The following ZBTB16 variants were observed in gnomAD, a reference collection of about 807,000 sequenced individuals.
ZBTB16 encodes the protein zinc finger and BTB domain-containing protein 16.
ZBTB16 carries 8 observed loss-of-function variants against 56.8 expected under a neutral mutation model. The ratio of observed to expected loss-of-function variants is 0.14; its 90% CI spans 0.08 to 0.25. The LOEUF (loss-of-function observed/expected upper bound fraction) is 0.25. Among genes scored for constraint, ZBTB16 ranks in the 10% least tolerant of loss-of-function variants. ZBTB16 has a pLI of 1.00. For synonymous variants in ZBTB16, 363 were observed against 368.5 expected, an observed-to-expected ratio of 0.98 and a Z score of 0.17; for missense variants, 625 against 903.0, an observed-to-expected ratio of 0.69 and a Z score of 3.95.
chr11:114,158,107 C>G (rs1942473910), intron 3 of ZBTB16, among the ~76,000 whole-genome samples: 1 of 152,078 alleles, frequency 6.6e-6, no homozygotes, highest in South Asian at 2.1e-4. Flanking sequence ...GAACTATCTG[C>G]CTACCAGGTT....
intron 2 of ZBTB16, among the ~76,000 whole-genome samples, chr11:114,069,307 G>A (rs534581122): frequency 6.6e-6 from 1 of 151,744 alleles, no homozygotes; most frequent in Non-Finnish European, 1.5e-5. Context: ...GTATGGTCTC[G>A]ATCTCCTGAA....
intron 3 of ZBTB16, among the ~76,000 whole-genome samples, chr11:114,163,860 C>T (rs117707922): frequency 4.1e-4 from 63 of 152,280 alleles, no homozygotes; most frequent in Non-Finnish European, 4.1e-4. Flanking sequence ...TATGTCTATC[C>T]ATTTACATGG....
chr11:114,063,914 G>C lies in ZBTB16; in HGVS notation c.614G>C (p.Ser205Thr), dbSNP rs1319989654. The change falls in exon 2 of 7, where the codon AGT becomes ACT. Residue 205 changes from serine to threonine, a missense_variant. By Grantham distance (58) the Ser-to-Thr change is moderately conservative (BLOSUM62 1). Around this residue, in one of 6 missense-constraint regions of ZBTB16, gnomAD observed 384 missense variants for 393.5 expected, o/e 0.98. Transcript: ENST00000335953. The surrounding 1 kb of genome is among the most constrained non-coding windows in gnomAD (Gnocchi z 6.5). ...AMSPTKAAVD[S>T]LMTIGQSLLQ... ...AGTCCCACCAAGGCTGCAGTGGACA[G>C]TTTGATGACCATAGGACAGTCTCTC... 1.2e-6 allele frequency: 2 copies of C among 1,613,978 alleles called. No individual in the cohort carries two copies. The highest frequency in any genetic ancestry group is 2.2e-5 in the South Asian group (2 of 91,086).
chr11:114,070,696 C>CT (rs532029953), intron 2 of ZBTB16, among the ~76,000 whole-genome samples: 77 of 152,306 alleles, frequency 5.1e-4, no homozygotes, highest in Admixed American at 1.6e-3. Flanking sequence ...ATCACCATGC[C>CT]TAAGATACCA....
intron 2 of ZBTB16, among the ~76,000 whole-genome samples, chr11:114,133,604 C>T (rs1279009374): frequency 2.0e-5 from 3 of 152,204 alleles, no homozygotes; most frequent in Non-Finnish European, 4.4e-5. Flanking sequence ...CTCAGGTCCT[C>T]TTCCTGTGGT....
chr11:114,232,455 G>C (rs933426686), intron 4 of ZBTB16, among the ~76,000 whole-genome samples: 3 of 152,132 alleles, frequency 2.0e-5, no homozygotes, highest in Non-Finnish European at 4.4e-5. Context: ...GTTGAGCACG[G>C]GGCCCTCAAG....
intron 2 of ZBTB16, among the ~76,000 whole-genome samples, chr11:114,138,778 T>C (rs1591705524): frequency 6.6e-6 from 1 of 152,146 alleles, no homozygotes; most frequent in African/African-American, 2.4e-5. Context: ...GCAACCTCTG[T>C]CTCCCGAGTT....
intron 4 of ZBTB16, among the ~76,000 whole-genome samples, chr11:114,195,704 A>C (rs1199126335): frequency 6.6e-6 from 1 of 152,138 alleles, no homozygotes; most frequent in African/African-American, 2.4e-5. Context: ...AGATTGGATA[A>C]TCTCAATATA....
intron 2 of ZBTB16, among the ~76,000 whole-genome samples, chr11:114,067,072 C>T (rs1176606602): frequency 6.6e-6 from 1 of 152,096 alleles, no homozygotes; most frequent in Admixed American, 6.5e-5. Flanking sequence ...GCCCGGCCTT[C>T]ACTCACTTCT....
At chr11:114,222,885 G>C (rs949652850) in intron 4 of ZBTB16, among the ~76,000 whole-genome samples, 2 of 152,154 alleles carry the variant, frequency 1.3e-5, no homozygotes, top group East Asian at 1.9e-4. Context: ...GGGGCCCATT[G>C]CTTGAGTGTA....
intron 2 of ZBTB16, among the ~76,000 whole-genome samples, chr11:114,089,806 T>C (rs1027254883): frequency 6.6e-6 from 1 of 152,076 alleles, no homozygotes; most frequent in African/African-American, 2.4e-5. Context: ...GGCCAGGAGG[T>C]CTGGCTGCTC....
At chr11:114,180,522 C>T (rs967905134) in intron 3 of ZBTB16, among the ~76,000 whole-genome samples, 3 of 152,218 alleles carry the variant, frequency 2.0e-5, no homozygotes, top group Admixed American at 1.3e-4. Flanking sequence ...CCAGAAGAAG[C>T]AGACAGCCCC....
At chr11:114,069,682 G>A (rs1023999812) in intron 2 of ZBTB16, among the ~76,000 whole-genome samples, 6 of 152,182 alleles carry the variant, frequency 3.9e-5, no homozygotes, top group Non-Finnish European at 2.9e-5. Flanking sequence ...TCATCATCCC[G>A]TCCAGAACCT....
intron 4 of ZBTB16, among the ~76,000 whole-genome samples, chr11:114,240,327 C>T (rs536522302): frequency 7.9e-4 from 120 of 152,278 alleles, no homozygotes; most frequent in South Asian, 3.7e-3. Flanking sequence ...CTTGCTATCT[C>T]CATTGATGGC....
chr11:114,076,724 T>G (rs1430557273), intron 2 of ZBTB16, among the ~76,000 whole-genome samples: 1 of 151,692 alleles, frequency 6.6e-6, no homozygotes, highest in Non-Finnish European at 1.5e-5. Context: ...CATTTTTCTT[T>G]CCTTGAAGTT....
chr11:114,084,521 G>A (rs1222981383), intron 2 of ZBTB16, among the ~76,000 whole-genome samples: 1 of 151,986 alleles, frequency 6.6e-6, no homozygotes, highest in East Asian at 1.9e-4. Flanking sequence ...GAGGAGGAGG[G>A]TTTTTTGAAC....
chr11:114,101,372 A>G (rs1360140730), intron 2 of ZBTB16, among the ~76,000 whole-genome samples: 1 of 152,028 alleles, frequency 6.6e-6, no homozygotes, highest in Non-Finnish European at 1.5e-5. Flanking sequence ...AATTTAGAAT[A>G]CCCACTCATT....
At chr11:114,179,303 T>C (rs1319788931) in intron 3 of ZBTB16, among the ~76,000 whole-genome samples, 1 of 109,930 alleles carries the variant, frequency 9.1e-6, no homozygotes, top group Non-Finnish European at 1.9e-5. Context: ...AGAGAGAGCC[T>C]TCAAGCTCCT....
At chr11:114,066,768 ATTTTTTTTTTTT>A (rs11371325) in intron 2 of ZBTB16, among the ~76,000 whole-genome samples, 1 of 111,444 alleles carries the variant, frequency 9.0e-6, no homozygotes, top group Non-Finnish European at 1.8e-5. Flanking sequence ...CACTCACTAC[ATTTTTTTTTTTT>A]TTTTTTTTTG....
Sources: allele counts gnomAD v4.1 joint callset (sites outside exome capture counted in the v4.1 genomes callset), GRCh38; gene constraint gnomAD v4.1.1; regional missense constraint gnomAD v4.1.1; non-coding constraint Gnocchi (gnomAD v3.1); transcripts MANE v1.5; gene names NCBI Gene and HGNC (gene_info 2026-07-23, HGNC 2026-07-21).